Variants in B3GALT1 observed in about 807,000 individuals in gnomAD.
B3GALT1 encodes the protein UDP-Gal:betaGlcNAc beta 1,3-galactosyltransferase, polypeptide 1.
Under a neutral mutation model 23.2 loss-of-function variants are expected in B3GALT1, and 10 were observed. The observed-to-expected ratio is 0.43, with a 90% CI of 0.27 to 0.73. B3GALT1 has a LOEUF of 0.73. Among genes scored for constraint, B3GALT1 ranks in the 30% least tolerant of loss-of-function variants. The pLI, the probability that B3GALT1 is intolerant of heterozygous loss-of-function variation, is 0.21. For missense variants in B3GALT1, 299 were observed against 405.4 expected (o/e 0.74, Z 2.25); for synonymous variants, 156 against 141.5 (o/e 1.10, Z -0.73).
chr2:167,742,056 C>G (rs750304896), intron 3 of B3GALT1, among the ~76,000 whole-genome samples: 2 of 152,188 alleles, frequency 1.3e-5, no homozygotes, highest in Non-Finnish European at 2.9e-5. Flanking sequence ...CCAAATGACT[C>G]TAGAAGTTTC....
chr2:167,408,275 T>A (rs374918610), intron 1 of B3GALT1, among the ~76,000 whole-genome samples: 1 of 152,306 alleles, frequency 6.6e-6, no homozygotes, highest in African/African-American at 2.4e-5. Context: ...AACCTTATGA[T>A]TATTTGAATA....
intron 2 of B3GALT1, among the ~76,000 whole-genome samples, chr2:167,521,750 T>C (rs1414859432): frequency 6.6e-6 from 1 of 151,902 alleles, no homozygotes; most frequent in Non-Finnish European, 1.5e-5. Context: ...ACCATTATTT[T>C]AAAACTAGGA....
At chr2:167,823,897 AGT>A (rs1689160439) in intron 4 of B3GALT1, among the ~76,000 whole-genome samples, 1 of 152,256 alleles carries the variant, frequency 6.6e-6, no homozygotes, top group Non-Finnish European at 1.5e-5. Context: ...AATATTTAGC[AGT>A]GTGCTTGACA....
chr2:167,639,720 G>A (rs1553474516), intron 2 of B3GALT1, among the ~76,000 whole-genome samples: 2 of 151,788 alleles, frequency 1.3e-5, no homozygotes, highest in South Asian at 4.2e-4. Context: ...TTTTCTTTTG[G>A]TCTATCTGTG....
At chr2:167,616,217 TCTC>T (rs1400482779) in intron 2 of B3GALT1, among the ~76,000 whole-genome samples, 5 of 152,056 alleles carry the variant, frequency 3.3e-5, no homozygotes, top group Non-Finnish European at 5.9e-5. Flanking sequence ...GTTGAATAAA[TCTC>T]CTGAAGAGTG....
chr2:167,645,772 C>T (rs897367575), intron 2 of B3GALT1, among the ~76,000 whole-genome samples: 4 of 151,792 alleles, frequency 2.6e-5, no homozygotes, highest in East Asian at 2.0e-4. Context: ...GGTTTCACCA[C>T]GTTGGTCAGG....
At chr2:167,801,159 C>A (rs1688631224) in intron 3 of B3GALT1, among the ~76,000 whole-genome samples, 1 of 152,200 alleles carries the variant, frequency 6.6e-6, no homozygotes, top group African/African-American at 2.4e-5. Context: ...CTGCAAACAT[C>A]CGGGCCTGAG....
intron 2 of B3GALT1, among the ~76,000 whole-genome samples, chr2:167,502,682 G>C (rs1021154990): frequency 6.6e-6 from 1 of 152,084 alleles, no homozygotes; most frequent in Non-Finnish European, 1.5e-5. Flanking sequence ...AACAGCAAGG[G>C]GGGGATCCAC....
At chr2:167,594,735 AAACCCC>A (rs1238942363) in intron 2 of B3GALT1, among the ~76,000 whole-genome samples, 4 of 152,152 alleles carry the variant, frequency 2.6e-5, no homozygotes, top group African/African-American at 4.8e-5. Context: ...CAACGTGGTG[AAACCCC>A]GTCTCTATTA....
At chr2:167,743,596 T>C (rs1312495087) in intron 3 of B3GALT1, among the ~76,000 whole-genome samples, 1 of 152,108 alleles carries the variant, frequency 6.6e-6, no homozygotes, top group Non-Finnish European at 1.5e-5. Context: ...CTTTTCTATA[T>C]TTTAAATCGG....
chr2:167,405,197 G>A (rs975555609), intron 1 of B3GALT1, among the ~76,000 whole-genome samples: 4 of 152,066 alleles, frequency 2.6e-5, no homozygotes, highest in Non-Finnish European at 4.4e-5. Flanking sequence ...GTTTATAAAT[G>A]CTATTATTTA....
intron 3 of B3GALT1, among the ~76,000 whole-genome samples, chr2:167,703,083 C>A (rs2105511245): frequency 6.6e-6 from 1 of 152,274 alleles, no homozygotes; most frequent in Non-Finnish European, 1.5e-5. Context: ...GGGGGACAAT[C>A]AATTAGGTTC....
intron 1 of B3GALT1, among the ~76,000 whole-genome samples, chr2:167,485,236 G>A (rs6719316): frequency 0.046 from 7,018 of 152,136 alleles, 537 homozygotes; most frequent in African/African-American, 0.16. Context: ...TGCTATTAAT[G>A]TGTACATTTT....
At position 167,625,934 on chromosome 2, in the gene B3GALT1, G is replaced by A. The variant is rs1486785495; in HGVS notation, c.-409-20975G>A. Among the ~76,000 whole-genome samples the A allele has an allele frequency of 2.7e-4, 29 of 107,684 alleles. 1 individual carries two copies. Among genetic ancestry groups the A allele is most frequent in the African/African-American group, 6.2e-4 (16 of 25,648 alleles). The allele number at this position is 107,684 out of a possible 152,430, so 70.6% of individuals were successfully genotyped here. On this transcript the variant is annotated intron_variant, in intron 2 of 4. Coordinates refer to ENST00000392690, the MANE Select transcript of B3GALT1 (RefSeq NM_020981.4). The stretch of plus-strand genomic sequence containing the variant: ...CATCCTAGATGACAGAAAAATCAAT[G>A]ACTAGGCCATATATATATATATATA...
At chr2:167,307,725 T>C (rs1696570938) in intron 1 of B3GALT1, among the ~76,000 whole-genome samples, 1 of 151,998 alleles carries the variant, frequency 6.6e-6, no homozygotes, top group Admixed American at 6.6e-5. Context: ...TCCTCTGCTG[T>C]ACTGTTTAGG....
chr2:167,667,097 C>G (rs7608381), intron 3 of B3GALT1, among the ~76,000 whole-genome samples: 59,538 of 151,816 alleles, frequency 0.39, 12,849 homozygotes, highest in Middle Eastern at 0.57. Context: ...ACTGGTTGTT[C>G]CCTTCCATGT....
At chr2:167,677,984 C>T (rs1686456472) in intron 3 of B3GALT1, among the ~76,000 whole-genome samples, 1 of 152,162 alleles carries the variant, frequency 6.6e-6, no homozygotes, top group African/African-American at 2.4e-5. Flanking sequence ...ACCCCATGAT[C>T]TAATCACCTT....
intron 2 of B3GALT1, among the ~76,000 whole-genome samples, chr2:167,585,228 A>G (rs1684567483): frequency 6.6e-6 from 1 of 152,242 alleles, no homozygotes; most frequent in African/African-American, 2.4e-5. Context: ...AAGGCTAATC[A>G]GAGCTCTTGG....
intron 1 of B3GALT1, among the ~76,000 whole-genome samples, chr2:167,412,130 AC>A (rs1698402116): frequency 4.8e-5 from 1 of 20,722 alleles, no homozygotes; most frequent in African/African-American, 6.2e-5. Context: ...GCACGGTAGA[AC>A]AAATAAATAA....
Sources: gnomAD v4.1 joint callset for allele counts (sites outside exome capture counted in the v4.1 genomes callset) on GRCh38, gnomAD v4.1.1 for gene constraint, MANE v1.5 for transcripts, NCBI Gene and HGNC (gene_info 2026-07-23, HGNC 2026-07-21) for gene names.